The following ADAMTS17 variants were observed in gnomAD, a reference collection of about 807,000 sequenced individuals.
ADAMTS17 encodes A disintegrin and metalloproteinase with thrombospondin motifs 17.
ADAMTS17 carries 113 observed loss-of-function variants against 141.5 expected under a neutral mutation model. The ratio of observed to expected loss-of-function variants is 0.80; its 90% CI spans 0.69 to 0.93. ADAMTS17 has a LOEUF of 0.93. Among genes scored for constraint, ADAMTS17 ranks in the 40% least tolerant of loss-of-function variants. The pLI is 0.00. For synonymous variants in ADAMTS17, 768 were observed against 630.6 expected, an observed-to-expected ratio of 1.22 and a Z score of -3.27; for missense variants, 1,659 against 1,517.9, an observed-to-expected ratio of 1.09 and a Z score of -1.54.
chr15:100,090,888 A>T (rs917164508), intron 15 of ADAMTS17, among the ~76,000 whole-genome samples: 2 of 151,834 alleles, frequency 1.3e-5, no homozygotes, highest in Admixed American at 6.6e-5. Context: ...CATGCCAGTA[A>T]TCTCAGCTAC....
intron 18 of ADAMTS17, among the ~76,000 whole-genome samples, chr15:100,038,637 G>A (rs1214359844): frequency 6.6e-6 from 1 of 152,042 alleles, no homozygotes; most frequent in African/African-American, 2.4e-5. Context: ...ATACTATACA[G>A]AAATACAATT....
rs935197726 is a variant in ADAMTS17, at chr15:100,205,874, C to T, written c.1076-6451G>A. Among the ~76,000 whole-genome samples, 18 of 152,284 alleles carry T rather than the reference C, an allele frequency of 1.2e-4. No individual in the cohort carries two copies. The South Asian group carries it at 1.5e-3, about 12-fold the overall frequency. ...AGCCTCAGGGCCTGAAGGGTGGGCG[C>T]CGCGGTCTCTGAAAGACAGCTGTGC... On this transcript the variant is annotated intron_variant, in intron 7 of 21. Coordinates refer to ENST00000268070, the MANE Select transcript of ADAMTS17 (RefSeq NM_139057.4).
At chr15:100,116,586 C>A (rs2037145008) in intron 13 of ADAMTS17, among the ~76,000 whole-genome samples, 1 of 152,254 alleles carries the variant, frequency 6.6e-6, no homozygotes, top group African/African-American at 2.4e-5. Flanking sequence ...AGCACAGCCT[C>A]CTCGCTACAA....
intron 8 of ADAMTS17, among the ~76,000 whole-genome samples, chr15:100,178,075 GTTTC>G (rs1362259671): frequency 1.3e-5 from 2 of 152,054 alleles, no homozygotes; most frequent in Admixed American, 6.5e-5. Context: ...TTTGAAATGA[GTTTC>G]TTTCAGGGAG....
intron 3 of ADAMTS17, among the ~76,000 whole-genome samples, chr15:100,282,141 A>T (rs567340286): frequency 6.6e-6 from 1 of 152,354 alleles, no homozygotes; most frequent in South Asian, 2.1e-4. Flanking sequence ...GTCTTTGTAC[A>T]TGGAAACATC....
At chr15:100,056,989 T>C (rs2032630825) in intron 15 of ADAMTS17, among the ~76,000 whole-genome samples, 1 of 152,106 alleles carries the variant, frequency 6.6e-6, no homozygotes, top group Non-Finnish European at 1.5e-5. Context: ...CGCTTTCAGC[T>C]GAGCGTGTAA....
chr15:100,206,920 C>G (rs866462053), intron 7 of ADAMTS17, among the ~76,000 whole-genome samples: 1 of 152,160 alleles, frequency 6.6e-6, no homozygotes, highest in African/African-American at 2.4e-5. Context: ...GGCAGGGCCA[C>G]GAGCGGAGGC....
At chr15:100,196,348 T>C (rs1002548642) in intron 8 of ADAMTS17, among the ~76,000 whole-genome samples, 6 of 152,264 alleles carry the variant, frequency 3.9e-5, no homozygotes, top group African/African-American at 9.6e-5. Flanking sequence ...TTGTGTTTTC[T>C]GACAGCCAAT....
At position 100,112,709 on chromosome 15, in the gene ADAMTS17, T is replaced by C. The variant is rs548048021; in HGVS notation, c.1889-3593A>G. On this transcript the variant is annotated intron_variant, in intron 13 of 21. Transcript: ENST00000268070. Reference sequence around the variant, plus strand: ...GGAAGCTTGGAACGTGCCACCTGCATGGCTGGTGTGTGCTGAGATGGAATT... The same window carrying C: ...GGAAGCTTGGAACGTGCCACCTGCACGGCTGGTGTGTGCTGAGATGGAATT... Among the ~76,000 whole-genome samples, 3 of 152,284 alleles carry C rather than the reference T, an allele frequency of 2.0e-5. 1 individual carries two copies. The East Asian group carries it at 5.8e-4, about 29-fold the overall frequency.
At chr15:100,336,775 C>G (rs2046219578) in intron 2 of ADAMTS17, among the ~76,000 whole-genome samples, 1 of 152,174 alleles carries the variant, frequency 6.6e-6, no homozygotes, top group African/African-American at 2.4e-5. Flanking sequence ...TTTGAAAACT[C>G]TTTTCTAAAG....
chr15:100,102,149 A>G (rs905106436), intron 14 of ADAMTS17, among the ~76,000 whole-genome samples: 1 of 152,014 alleles, frequency 6.6e-6, no homozygotes, highest in Non-Finnish European at 1.5e-5. Flanking sequence ...AATTATCTCA[A>G]TTTTCTGCCA....
intron 7 of ADAMTS17, among the ~76,000 whole-genome samples, chr15:100,242,433 G>C (rs914283215): frequency 6.6e-6 from 1 of 152,172 alleles, no homozygotes; most frequent in Non-Finnish European, 1.5e-5. Flanking sequence ...GCATAGCCTA[G>C]CAACCAAAAA....
intron 14 of ADAMTS17, among the ~76,000 whole-genome samples, chr15:100,105,757 G>A (rs34476939): frequency 0.31 from 47,351 of 151,754 alleles, 7,472 homozygotes; most frequent in East Asian, 0.45. Flanking sequence ...GTGCAATCTC[G>A]GCTCACTGCA....
intron 15 of ADAMTS17, among the ~76,000 whole-genome samples, 178 bp downstream of exon 15, chr15:100,096,178 G>T (rs976019611): frequency 2.0e-5 from 3 of 152,218 alleles, no homozygotes; most frequent in Non-Finnish European, 4.4e-5. Flanking sequence ...CAACGTGAAG[G>T]CATCATTCTT....
At chr15:100,084,191 T>C (rs1321350495) in intron 15 of ADAMTS17, among the ~76,000 whole-genome samples, 1 of 152,152 alleles carries the variant, frequency 6.6e-6, no homozygotes, top group Non-Finnish European at 1.5e-5. Flanking sequence ...CACTGGGAGA[T>C]TATATCCCGC....
intron 18 of ADAMTS17, among the ~76,000 whole-genome samples, chr15:100,016,690 G>A (rs1226165698): frequency 6.6e-6 from 1 of 152,198 alleles, no homozygotes; most frequent in Non-Finnish European, 1.5e-5. Flanking sequence ...ATTGAGGCTT[G>A]TCTGCACAGA....
intron 8 of ADAMTS17, among the ~76,000 whole-genome samples, chr15:100,157,639 T>C (rs1370182763): frequency 6.6e-6 from 1 of 152,100 alleles, no homozygotes; most frequent in Non-Finnish European, 1.5e-5. Flanking sequence ...TTGGTAAAAA[T>C]ATTTATTGAA....
intron 18 of ADAMTS17, among the ~76,000 whole-genome samples, chr15:100,012,261 G>C (rs2061200781): frequency 6.6e-6 from 1 of 152,036 alleles, no homozygotes; most frequent in African/African-American, 2.4e-5. Context: ...TTATTGTTTT[G>C]AGTTCATTGT....
intron 4 of ADAMTS17, among the ~76,000 whole-genome samples, chr15:100,275,381 A>G (rs946960505): frequency 6.6e-6 from 1 of 152,226 alleles, no homozygotes; most frequent in African/African-American, 2.4e-5. Context: ...CAAAGTTCCA[A>G]TTCTGCAGGA....
Sources: gnomAD v4.1 joint callset for allele counts (sites outside exome capture counted in the v4.1 genomes callset) on GRCh38, gnomAD v4.1.1 for gene constraint, MANE v1.5 for transcripts, NCBI Gene and HGNC (gene_info 2026-07-23, HGNC 2026-07-21) for gene names.